NDEL1: variants seen among roughly 807,000 people sequenced by gnomAD.
NDEL1 encodes nuclear distribution protein nudE-like 1.
A neutral mutation model predicts 45.7 loss-of-function variants in NDEL1; 9 were observed. The ratio of observed to expected loss-of-function variants is 0.20; its 90% CI spans 0.12 to 0.34. The LOEUF (loss-of-function observed/expected upper bound fraction) is 0.34, where lower values mean the gene tolerates loss of function less well. Ranked by LOEUF, NDEL1 falls within the 10% of genes least tolerant of loss-of-function variation. NDEL1 has a pLI of 1.00. For missense variants in NDEL1, 306 were observed against 406.2 expected, an observed-to-expected ratio of 0.75 and a Z score of 2.12; for synonymous variants, 133 against 158.6, an observed-to-expected ratio of 0.84 and a Z score of 1.21.
At chr17:8,420,681 G>A (rs959223383) in intron 1 of NDEL1, among the ~76,000 whole-genome samples, 1 of 152,226 alleles carries the variant, frequency 6.6e-6, no homozygotes, top group African/African-American at 2.4e-5. Context: ...GAAGCAAAGG[G>A]AAGCCCTTTA....
At chr17:8,441,751 G>A (rs1323792120) in intron 1 of NDEL1, among the ~76,000 whole-genome samples, 2 of 151,914 alleles carry the variant, frequency 1.3e-5, no homozygotes, top group African/African-American at 4.8e-5. Flanking sequence ...AGCATTCTAT[G>A]GGCCTGATGG....
chr17:8,454,117 G>A (rs1206631297), intron 6 of NDEL1, among the ~76,000 whole-genome samples: 1 of 152,092 alleles, frequency 6.6e-6, no homozygotes, highest in Non-Finnish European at 1.5e-5. Flanking sequence ...AGAAAGTATG[G>A]GAAACATTAT....
Position 8,467,323 on chromosome 17 carries a change from C to G in NDEL1, c.*300C>G. The stretch of plus-strand genomic sequence containing the variant: ...CTTGGTCACTGGATGCAGAAGTACC[C>G]ATTCATCACACCTGCCCCATAGCCC... On this transcript the variant is annotated 3_prime_UTR_variant, in exon 9 of 9. Transcript: ENST00000334527. This position sits in a 1 kb window ranked among gnomAD's most constrained non-coding sequence, Gnocchi z 6.3. The G allele has an allele frequency of 1.8e-6, 1 of 552,264 alleles. No homozygotes were observed. Among genetic ancestry groups the G allele is most frequent in the South Asian group, 2.5e-5 (1 of 40,362 alleles). 34.2% of individuals were successfully genotyped at this position (552,264 alleles called of 1,614,324 possible).
intron 1 of NDEL1, among the ~76,000 whole-genome samples, chr17:8,420,585 G>T (rs1281370500): frequency 6.6e-6 from 1 of 152,226 alleles, no homozygotes; most frequent in Non-Finnish European, 1.5e-5. Flanking sequence ...CTTCCCTGGG[G>T]CCTGGACGCT....
chr17:8,438,364 C>T (rs1276314809), intron 1 of NDEL1, among the ~76,000 whole-genome samples: 1 of 152,208 alleles, frequency 6.6e-6, no homozygotes, highest in Non-Finnish European at 1.5e-5. Context: ...TTTCTATAGC[C>T]TGAATATCTC....
In NDEL1 at chr17:8,463,155, T is replaced by C. The variant is rs183613827; in HGVS notation, c.944+2995T>C. 1,182 of 539,868 alleles carry C rather than the reference T, an allele frequency of 2.2e-3. 1 individual carries two copies. The highest frequency in any genetic ancestry group is 3.2e-3 in the Non-Finnish European group (960 of 300,872). 33.4% of individuals were successfully genotyped at this position (539,868 alleles called of 1,614,324 possible). On this transcript the variant is annotated intron_variant, in intron 8 of 8. Transcript: ENST00000334527. ...TGGAGTCTCTCAAAAACACTCTTTTTTTTCCCATAACTTTATGTAGTTTCT... is the reference window on the plus strand; with the variant it reads ...TGGAGTCTCTCAAAAACACTCTTTTCTTTCCCATAACTTTATGTAGTTTCT...
chr17:8,432,620 G>A (rs1451738808), upstream of NDEL1, among the ~76,000 whole-genome samples: 3 of 151,540 alleles, frequency 2.0e-5, no homozygotes, highest in Non-Finnish European at 2.9e-5. Context: ...TCCTGACCTC[G>A]TGATCCGCCT....
upstream of NDEL1, among the ~76,000 whole-genome samples, chr17:8,435,072 A>AAAAC (rs151006832): frequency 0.2 from 30,585 of 151,316 alleles, 3,777 homozygotes; most frequent in Non-Finnish European, 0.27. Flanking sequence ...CTCCGTCTCA[A>AAAAC]AAACAAACAA....
At chr17:8,452,174 C>A (rs572899829) in intron 6 of NDEL1, among the ~76,000 whole-genome samples, 3 of 152,318 alleles carry the variant, frequency 2.0e-5, no homozygotes, top group East Asian at 3.9e-4. Context: ...GTCAGTTTTT[C>A]AGAAGAGCTG....
downstream of NDEL1, among the ~76,000 whole-genome samples, chr17:8,473,093 C>T (rs115748321): frequency 4.4e-3 from 669 of 152,244 alleles, 2 homozygotes; most frequent in African/African-American, 0.015. Flanking sequence ...AGAATCAGGG[C>T]CTGGAATTGG....
At chr17:8,461,700 G>A (rs1427707123) in intron 8 of NDEL1, among the ~76,000 whole-genome samples, 1 of 152,184 alleles carries the variant, frequency 6.6e-6, no homozygotes, top group African/African-American at 2.4e-5. Flanking sequence ...CATGAGCGTA[G>A]CCATTTCCCC....
chr17:8,468,584 A>G (rs1034067332), downstream of NDEL1, among the ~76,000 whole-genome samples: 1 of 152,248 alleles, frequency 6.6e-6, no homozygotes, highest in African/African-American at 2.4e-5. Flanking sequence ...GGTTAATGCT[A>G]GCAAGTGAGA....
intron 8 of NDEL1, among the ~76,000 whole-genome samples, chr17:8,463,524 G>A (rs1467935395): frequency 6.6e-5 from 10 of 152,212 alleles, no homozygotes; most frequent in South Asian, 2.1e-4. Flanking sequence ...ACTGTATGCC[G>A]TTATTAGTTC....
At chr17:8,455,746 G>A (rs1037645819) in intron 7 of NDEL1, among the ~76,000 whole-genome samples, 1 of 150,416 alleles carries the variant, frequency 6.6e-6, no homozygotes, top group Non-Finnish European at 1.5e-5. Context: ...GTGTGTTACT[G>A]TGTACCATAC....
chr17:8,425,603 G>C (rs1446200411), intron 1 of NDEL1, among the ~76,000 whole-genome samples: 1 of 150,248 alleles, frequency 6.7e-6, no homozygotes, highest in African/African-American at 2.5e-5. Flanking sequence ...AAAAATCATT[G>C]AAAGCTTTTA....
downstream of NDEL1, among the ~76,000 whole-genome samples, chr17:8,469,845 C>T (rs1386750028): frequency 6.7e-6 from 1 of 149,990 alleles, no homozygotes; most frequent in Non-Finnish European, 1.5e-5. Context: ...CTGGCGCCCG[C>T]CGCCATGCCT....
chr17:8,442,577 G>T (rs1376303041), intron 1 of NDEL1, among the ~76,000 whole-genome samples: 1 of 151,996 alleles, frequency 6.6e-6, no homozygotes, highest in Non-Finnish European at 1.5e-5. Context: ...CATGTGTTGG[G>T]ATTACAGGCA....
chr17:8,425,385 C>T (rs545457188), intron 1 of NDEL1, among the ~76,000 whole-genome samples: 2 of 152,312 alleles, frequency 1.3e-5, no homozygotes, highest in South Asian at 2.1e-4. Context: ...AGTTTGAGAC[C>T]AGCCTGGGCA....
Position 8,425,581 on chromosome 17 carries a change from CA to C in NDEL1, c.-13+12328del, listed in dbSNP as rs35170611. Among the ~76,000 whole-genome samples, 521 of 131,282 alleles carry C rather than the reference CA, an allele frequency of 4.0e-3. 1 individual carries two copies. Among genetic ancestry groups the C allele is most frequent in the African/African-American group, 5.9e-3 (214 of 36,160 alleles). 86.1% of individuals were successfully genotyped at this position (131,282 alleles called of 152,430 possible). On this transcript the variant is annotated intron_variant, in intron 1 of 4. Coordinates refer to the NDEL1 transcript ENST00000582812. ...TTGGTGACAGAGTGAGACCTTGTCT[CA>C]AAAAAAAAAAAAAAATCATTGAAAG... is the stretch of plus-strand genomic sequence containing the variant.
Sources: gnomAD v4.1 joint callset for allele counts (sites outside exome capture counted in the v4.1 genomes callset) on GRCh38, gnomAD v4.1.1 for gene constraint, Gnocchi (gnomAD v3.1) non-coding constraint, MANE v1.5 for transcripts, NCBI Gene and HGNC (gene_info 2026-07-23, HGNC 2026-07-21) for gene names.